Variants in FBXW10B observed in about 807,000 individuals in gnomAD.
FBXW10B encodes the protein F-box and WD repeat domain containing 10B.
At chr17:15,597,560 G>A in the FBXW10B span, among the ~76,000 whole-genome samples, 1 of 151,996 alleles carries the variant, frequency 6.6e-6, no homozygotes, top group Non-Finnish European at 1.5e-5. Flanking sequence ...TTGAACCCGG[G>A]AGGCAGAGGT....
At chr17:15,602,463 A>C in the FBXW10B span, among the ~76,000 whole-genome samples, 2 of 152,122 alleles carry the variant, frequency 1.3e-5, no homozygotes, top group Non-Finnish European at 2.9e-5. Context: ...TAAAAAACTG[A>C]ATGCAAAAGA....
At chr17:15,569,544 C>G in the FBXW10B span, among the ~76,000 whole-genome samples, 7 of 141,088 alleles carry the variant, frequency 5.0e-5, no homozygotes, top group Admixed American at 1.5e-4. Flanking sequence ...TCACTGCACC[C>G]TTAACCTCCA....
At chr17:15,592,348 C>T in the FBXW10B span, among the ~76,000 whole-genome samples, 8 of 130,168 alleles carry the variant, frequency 6.1e-5, no homozygotes, top group African/African-American at 1.2e-4. Context: ...TGTTCATTAA[C>T]TGAGCCTTAT....
At chr17:15,569,414 T>G in the FBXW10B span, among the ~76,000 whole-genome samples, 2 of 151,794 alleles carry the variant, frequency 1.3e-5, no homozygotes, top group African/African-American at 4.8e-5. Context: ...TTCATATACC[T>G]TTTGGCTATT....
chr17:15,609,852 C>CTTTCTTT, the FBXW10B span, among the ~76,000 whole-genome samples: 1 of 103,184 alleles, frequency 9.7e-6, no homozygotes, highest in Non-Finnish European at 1.8e-5. Context: ...TTCTTTCTTT[C>CTTTCTTT]TTTTTTTTTT....
At chr17:15,618,226 G>A in the FBXW10B span, among the ~76,000 whole-genome samples, 35 of 152,124 alleles carry the variant, frequency 2.3e-4, no homozygotes, top group African/African-American at 8.2e-4. Context: ...TACTTGGGAG[G>A]CTGAGGCAGG....
At chr17:15,600,276 C>T in the FBXW10B span, among the ~76,000 whole-genome samples, 33 of 148,448 alleles carry the variant, frequency 2.2e-4, no homozygotes, top group African/African-American at 6.5e-4. Context: ...CACATAAAAA[C>T]GATTAATATG....
At chr17:15,570,126 A>G in the FBXW10B span, among the ~76,000 whole-genome samples, 25 of 152,160 alleles carry the variant, frequency 1.6e-4, no homozygotes, top group Non-Finnish European at 2.8e-4. Context: ...TAATGGATGG[A>G]TGGACAGGTG....
At chr17:15,574,102 G>A in the FBXW10B span, 1 of 734,020 alleles carries the variant, frequency 1.4e-6, no homozygotes, top group South Asian at 1.4e-5. Context: ...CACTGTTCTA[G>A]AGGCTTCTGG....
the FBXW10B span, among the ~76,000 whole-genome samples, chr17:15,591,288 A>C: frequency 2.6e-5 from 4 of 152,150 alleles, no homozygotes; most frequent in African/African-American, 4.8e-5. Context: ...AGTCATGTTT[A>C]AAATCATTTT....
the FBXW10B span, among the ~76,000 whole-genome samples, chr17:15,583,298 C>A: frequency 1.6e-5 from 2 of 128,752 alleles, no homozygotes; most frequent in Admixed American, 9.1e-5. Flanking sequence ...CCACCCTTTC[C>A]GCCCATCTCC....
the FBXW10B span, among the ~76,000 whole-genome samples, chr17:15,613,280 G>A: frequency 2.7e-5 from 4 of 150,236 alleles, no homozygotes; most frequent in East Asian, 5.9e-4. Flanking sequence ...GGTTGATGCA[G>A]AGACACATTT....
At chr17:15,565,994 G>T in the FBXW10B span, 1 of 1,611,126 alleles carries the variant, frequency 6.2e-7, no homozygotes, top group Non-Finnish European at 8.5e-7. Flanking sequence ...CTAGGACTGT[G>T]CAAAGAGATC....
At chr17:15,593,483 G>A in the FBXW10B span, 23 of 1,614,052 alleles carry the variant, frequency 1.4e-5, no homozygotes, top group South Asian at 9.9e-5. Context: ...GAAGGGACAC[G>A]TCGAGCACCT....
chr17:15,608,547 G>A, the FBXW10B span, among the ~76,000 whole-genome samples: 16 of 152,086 alleles, frequency 1.1e-4, no homozygotes, highest in Non-Finnish European at 1.8e-4. Flanking sequence ...TCCGCCTCCC[G>A]AGTTCAGGCA....
At chr17:15,597,192 C>T in the FBXW10B span, among the ~76,000 whole-genome samples, 1 of 151,438 alleles carries the variant, frequency 6.6e-6, no homozygotes, top group African/African-American at 2.4e-5. Context: ...ACTTCTGAAT[C>T]TGACTTTTCA....
chr17:15,583,923 C>T, the FBXW10B span, among the ~76,000 whole-genome samples: 1 of 151,948 alleles, frequency 6.6e-6, no homozygotes, highest in African/African-American at 2.4e-5. Context: ...TTTTGTTTTG[C>T]TTTGTTTTTA....
the FBXW10B span, chr17:15,598,350 T>G: frequency 2.7e-6 from 2 of 735,642 alleles, no homozygotes; most frequent in Non-Finnish European, 3.3e-6. Context: ...AGACGGTTGT[T>G]GAATGGATGG....
chr17:15,594,858 G>A, the FBXW10B span: 4 of 1,613,806 alleles, frequency 2.5e-6, no homozygotes, highest in South Asian at 1.1e-5. Flanking sequence ...CAAAGAACAG[G>A]CATTTCACAG....
Sources: allele counts gnomAD v4.1 joint callset (sites outside exome capture counted in the v4.1 genomes callset), GRCh38; gene constraint gnomAD v4.1.1; transcripts MANE v1.5; gene names NCBI Gene and HGNC (gene_info 2026-07-23, HGNC 2026-07-21).